Variants in MAP2K3 observed in about 807,000 individuals in gnomAD.
MAP2K3 encodes the protein mitogen-activated protein kinase kinase 3, also known as dual specificity mitogen-activated protein kinase kinase 3.
In MAP2K3, 30 loss-of-function variants were observed where a neutral mutation model predicts 46.4. The ratio of observed to expected loss-of-function variants is 0.65; its 90% CI spans 0.48 to 0.88. The LOEUF (loss-of-function observed/expected upper bound fraction) is 0.88. Ranked by LOEUF, MAP2K3 falls within the 40% of genes least tolerant of loss-of-function variation. MAP2K3 has a pLI of 0.00. For missense variants in MAP2K3, 380 were observed against 464.5 expected, an observed-to-expected ratio of 0.82 and a Z score of 1.67; for synonymous variants, 189 against 176.3, an observed-to-expected ratio of 1.07 and a Z score of -0.57.
chr17:21,288,223 C>T (rs1466554503), intron 1 of MAP2K3: 3 of 629,574 alleles, frequency 4.8e-6, no homozygotes, highest in Non-Finnish European at 7.2e-6. Context: ...GGCACCTAGC[C>T]CTGAGCTGGG....
At position 21,285,176 on chromosome 17, in the gene MAP2K3, C is replaced by T. The variant is rs113508123; in HGVS notation, c.49+207C>T. On this transcript the variant is annotated intron_variant, in intron 1 of 11. Coordinates refer to ENST00000342679, the MANE Select transcript of MAP2K3 (RefSeq NM_145109.3). ...CCCCACGTTAGGCCTTGGGACTGCA[C>T]TCAGGCCCGAGATCACCCAGGCTGG... The T allele has an allele frequency of 4.0e-3, 3,740 of 932,590 alleles. 95 individuals carry two copies. The African/African-American group carries it at 0.058, about 14-fold the overall frequency. The allele number at this position is 932,590 out of a possible 1,614,324, so 57.8% of individuals were successfully genotyped here. A position where few individuals can be genotyped will look rare whatever the true frequency, so the allele number is the denominator to read the frequency against.
intron 9 of MAP2K3, among the ~76,000 whole-genome samples, chr17:21,306,108 G>A (rs530304902): frequency 1.3e-5 from 2 of 152,214 alleles, no homozygotes; most frequent in Non-Finnish European, 2.9e-5. Context: ...CTGCAGTTCC[G>A]TTCGGTTCTG....
intron 1 of MAP2K3, among the ~76,000 whole-genome samples, chr17:21,294,141 A>G (rs1976105573): frequency 6.6e-6 from 1 of 152,310 alleles, no homozygotes; most frequent in South Asian, 2.1e-4. Context: ...CATGGAGCGC[A>G]TTGGCCTTGT....
In MAP2K3 at chr17:21,295,611, A is replaced by T. The variant is rs1976195718; in HGVS notation, c.50-2802A>T. The stretch of plus-strand genomic sequence containing the variant: ...ATGACGGCCTCACCCACTCCCTCTG[A>T]CAGCTGGGTGGCTTCCCCATGGAGC... On this transcript the variant is annotated intron_variant, in intron 1 of 11. Coordinates refer to ENST00000342679, the MANE Select transcript of MAP2K3 (RefSeq NM_145109.3). The T allele has an allele frequency of 3.1e-6, 4 of 1,286,028 alleles. No individual in the cohort carries two copies. In the African/African-American group the frequency reaches 4.6e-5, roughly 15 times the overall value. 79.7% of individuals were successfully genotyped at this position (1,286,028 alleles called of 1,614,324 possible). A position where few individuals can be genotyped will look rare whatever the true frequency, so the allele number is the denominator to read the frequency against.
rs772485005 is a variant in MAP2K3 at position 21,302,216 on chromosome 17, A to G, written c.473A>G (p.Asn158Ser). 4.3e-6 allele frequency: 7 copies of G among 1,614,156 alleles called. No individual in the cohort carries two copies. Among genetic ancestry groups the G allele is most frequent in the Non-Finnish European group, 5.1e-6 (6 of 1,180,032 alleles). The change falls in exon 6 of 12, where the codon AAC (asparagine) becomes AGC (serine). Residue 158 changes from asparagine to serine, a missense_variant. Physicochemically the swap from Asn to Ser is conservative, Grantham distance 46 (BLOSUM62 1). This residue lies in a region of MAP2K3 where 294 missense variants were observed against 275.4 expected (regional missense o/e 1.07). Coordinates refer to ENST00000342679, the MANE Select transcript of MAP2K3 (RefSeq NM_145109.3). ...DKFYRKVLDKNMTIPEDILGE... is the reference protein window; with the variant it reads ...DKFYRKVLDKSMTIPEDILGE... ...TTCTACCGGAAGGTGCTGGATAAAA[A>G]CATGACAATTCCAGAGGACATCCTT...
intron 5 of MAP2K3, 133 bp from the exon 6 acceptor site, chr17:21,302,010 T>A: frequency 1.2e-6 from 1 of 868,888 alleles, no homozygotes; most frequent in Non-Finnish European, 1.9e-6. Flanking sequence ...GGGAGCCCGG[T>A]GAACTGTGGC....
At chr17:21,303,067 G>C in intron 6 of MAP2K3, 116 bp from the exon 7 acceptor site, 1 of 1,301,816 alleles carries the variant, frequency 7.7e-7, no homozygotes, top group Non-Finnish European at 1.1e-6. Context: ...TGCGTAGCCT[G>C]TGCAGCGGGA....
At chr17:21,307,710 C>T (rs1976963097) in intron 9 of MAP2K3, among the ~76,000 whole-genome samples, 1 of 151,592 alleles carries the variant, frequency 6.6e-6, no homozygotes, top group East Asian at 1.9e-4. Flanking sequence ...TGGAGTCTCA[C>T]TCTGTTGCCC....
Position 21,298,887 on chromosome 17 carries a change from GA to G in MAP2K3, c.128del (p.Asn43ThrfsTer23). 1 of 1,614,310 alleles carries G rather than the reference GA, an allele frequency of 6.2e-7. No individual in the cohort carries two copies. Among genetic ancestry groups the G allele is most frequent in the Non-Finnish European group, 8.5e-7 (1 of 1,180,058 alleles). On this transcript the variant is annotated frameshift_variant, in exon 3 of 12. Transcript: ENST00000342679. LOFTEE classifies it high-confidence loss of function. ...TCTTCTTTCTCCACAGACCCCCCCGGAACCTGGACTCCCGGACCTTCATCAC... is the reference window on the plus strand; with the variant it reads ...TCTTCTTTCTCCACAGACCCCCCCGGACCTGGACTCCCGGACCTTCATCAC... ...PPAPNPTPPR[N>X]LDSRTFITIG...
intron 1 of MAP2K3, among the ~76,000 whole-genome samples, chr17:21,296,594 C>T (rs1976265583): frequency 6.6e-6 from 1 of 152,308 alleles, no homozygotes; most frequent in African/African-American, 2.4e-5. Context: ...TGGCCAGACC[C>T]CTGACTTGCT....
At chr17:21,300,778 C>A in intron 4 of MAP2K3, 96 bp from the exon 5 acceptor site, 3 of 1,609,766 alleles carry the variant, frequency 1.9e-6, no homozygotes, top group Non-Finnish European at 2.5e-6. Flanking sequence ...TTGGGGCACA[C>A]TGGGCAGTGG....
chr17:21,313,730 A>G (rs1977277629), intron 11 of MAP2K3, 193 bp downstream of exon 11: 1 of 622,458 alleles, frequency 1.6e-6, no homozygotes, highest in Admixed American at 2.5e-5. Flanking sequence ...CCTGCATGCC[A>G]GGCCCTGGGA....
chr17:21,310,618 CA>C (rs1977117559), intron 9 of MAP2K3, among the ~76,000 whole-genome samples: 1 of 152,258 alleles, frequency 6.6e-6, no homozygotes, highest in Admixed American at 6.5e-5. Context: ...CCAGAACAGA[CA>C]GGGGTCATGC....
At position 21,302,156 on chromosome 17, in the gene MAP2K3, T is replaced by C. The variant is rs774768696; in HGVS notation, c.413T>C (p.Ile138Thr). Residue 138 changes from isoleucine (I) to threonine (T), a missense_variant, in exon 6 of 12, where the codon ATC becomes ACC. By Grantham distance (89) the Ile-to-Thr change is moderately conservative. Coordinates refer to ENST00000342679, the MANE Select transcript of MAP2K3 (RefSeq NM_145109.3). ...GALFREGDVW[I>T]CMELMDTSLD... ...TGTCACCCACAGGGAGACGTGTGGA[T>C]CTGCATGGAGCTCATGGACACATCC... The C allele has an allele frequency of 6.2e-7, 1 of 1,614,282 alleles. No individual in the cohort carries two copies. Among genetic ancestry groups the C allele is most frequent in the Non-Finnish European group, 8.5e-7 (1 of 1,180,042 alleles).
chr17:21,285,009 C>A (rs1038377206), intron 1 of MAP2K3, 40 bp downstream of exon 1: 3 of 1,593,408 alleles, frequency 1.9e-6, no homozygotes, highest in African/African-American at 1.3e-5. Context: ...GACCCCGCGC[C>A]TAATCTGGGG....
At chr17:21,303,915 A>G (rs924862167) in intron 7 of MAP2K3, among the ~76,000 whole-genome samples, 1 of 152,306 alleles carries the variant, frequency 6.6e-6, no homozygotes, top group African/African-American at 2.4e-5. Context: ...CCATCTTTAC[A>G]CACATCCCCA....
intron 4 of MAP2K3, 58 bp from the exon 5 acceptor site, chr17:21,300,816 T>A: frequency 6.2e-7 from 1 of 1,613,214 alleles, no homozygotes; most frequent in Admixed American, 1.7e-5. Context: ...CCTCCTGTCA[T>A]GAGTGTGGGT....
Position 21,312,380 on chromosome 17 carries a change from C to G in MAP2K3, c.914+99C>G, listed in dbSNP as rs1451536352. ...TTCCTTTATTCCTTTGGCAAATAAA[C>G]CCCCAGATGACTTGGCATCCAAATA... On this transcript the variant is annotated intron_variant, in intron 10 of 11. Coordinates refer to ENST00000342679, the MANE Select transcript of MAP2K3 (RefSeq NM_145109.3). 1.2e-5 allele frequency: 15 copies of G among 1,274,026 alleles called. No individual in the cohort carries two copies. The East Asian group carries it at 4.7e-4, about 40-fold the overall frequency. 78.9% of individuals were successfully genotyped at this position (1,274,026 alleles called of 1,614,324 possible). A position where few individuals can be genotyped will look rare whatever the true frequency, so the allele number is the denominator to read the frequency against.
chr17:21,299,027 C>G, intron 3 of MAP2K3, 101 bp downstream of exon 3: 1 of 1,530,608 alleles, frequency 6.5e-7, no homozygotes, highest in Non-Finnish European at 9.0e-7. Context: ...ACTGAGGGGT[C>G]AGAGAGGGTC....
Sources: gnomAD v4.1 joint callset for allele counts (sites outside exome capture counted in the v4.1 genomes callset) on GRCh38, gnomAD v4.1.1 for gene constraint, gnomAD v4.1.1 regional missense constraint, MANE v1.5 for transcripts, NCBI Gene and HGNC (gene_info 2026-07-23, HGNC 2026-07-21) for gene names.